ANKFN1: variants seen among roughly 807,000 people sequenced by gnomAD.
ANKFN1 encodes the protein ankyrin repeat and fibronectin type-III domain-containing protein 1.
Under a neutral mutation model 108.7 loss-of-function variants are expected in ANKFN1, and 74 were observed. The observed-to-expected ratio is 0.68, with a 90% CI of 0.56 to 0.83. The LOEUF is 0.83. Ranked by LOEUF, ANKFN1 falls within the 40% of genes least tolerant of loss-of-function variation. The probability of loss-of-function intolerance (pLI) is 0.00; values close to 1 mark genes in which losing one functional copy is unlikely to be tolerated. For missense variants in ANKFN1, 1,505 were observed against 1,382.3 expected, an observed-to-expected ratio of 1.09 and a Z score of -1.41; for synonymous variants, 547 against 516.2, an observed-to-expected ratio of 1.06 and a Z score of -0.81.
intron 8 of ANKFN1, among the ~76,000 whole-genome samples, chr17:56,408,019 C>T (rs1002999081): frequency 6.8e-5 from 10 of 146,420 alleles, no homozygotes; most frequent in Non-Finnish European, 1.5e-4. Context: ...ACTGCAACCT[C>T]CGCCTCCCGG....
chr17:56,401,366 GTA>G (rs1567974173), intron 8 of ANKFN1, among the ~76,000 whole-genome samples: 41 of 95,184 alleles, frequency 4.3e-4, no homozygotes, highest in South Asian at 1.1e-3. Flanking sequence ...GTATTGTATT[GTA>G]TTGTGTTGTG....
At chr17:56,374,418 C>T (rs2046891402) in intron 7 of ANKFN1, among the ~76,000 whole-genome samples, 183 bp from the exon 8 acceptor site, 1 of 152,074 alleles carries the variant, frequency 6.6e-6, no homozygotes. Flanking sequence ...CAAATAAGAC[C>T]CCAATGGCAA....
At chr17:56,328,572 C>T (rs1331004158) in intron 4 of ANKFN1, among the ~76,000 whole-genome samples, 1 of 152,194 alleles carries the variant, frequency 6.6e-6, no homozygotes, top group African/African-American at 2.4e-5. Context: ...TCATACCTGT[C>T]TCTAAGAACT....
intron 7 of ANKFN1, among the ~76,000 whole-genome samples, chr17:56,373,956 A>G (rs1416665986): frequency 6.6e-6 from 1 of 152,244 alleles, no homozygotes; most frequent in Non-Finnish European, 1.5e-5. Context: ...TTAAAACCTG[A>G]GGTTAGTGGA....
chr17:56,077,143 T>C (rs1334519668), intron 4 of ANKFN1, among the ~76,000 whole-genome samples: 1 of 152,124 alleles, frequency 6.6e-6, no homozygotes, highest in African/African-American at 2.4e-5. Flanking sequence ...TGGAGAGAAA[T>C]TAAACTTGGC....
intron 1 of ANKFN1, among the ~76,000 whole-genome samples, chr17:56,179,012 G>T (rs1366515293): frequency 6.6e-6 from 1 of 152,150 alleles, no homozygotes; most frequent in African/African-American, 2.4e-5. Context: ...GATTATAAAT[G>T]CAGAATAACT....
intron 1 of ANKFN1, among the ~76,000 whole-genome samples, chr17:56,177,851 G>A (rs906099948): frequency 2.0e-5 from 3 of 151,584 alleles, no homozygotes; most frequent in African/African-American, 7.3e-5. Context: ...TGAGATCCTG[G>A]GATTTATTTT....
intron 15 of ANKFN1, 36 bp from the exon 16 acceptor site, chr17:56,477,452 C>G: frequency 2.1e-5 from 31 of 1,480,970 alleles, no homozygotes; most frequent in East Asian, 2.5e-5. Context: ...GAGTTGTTTT[C>G]TTGTTTTCTT....
At chr17:56,201,034 C>A (rs1914010848) in intron 1 of ANKFN1, among the ~76,000 whole-genome samples, 1 of 152,124 alleles carries the variant, frequency 6.6e-6, no homozygotes, top group Non-Finnish European at 1.5e-5. Flanking sequence ...ATGGTGGAGC[C>A]CTCACAGTCC....
intron 3 of ANKFN1, among the ~76,000 whole-genome samples, chr17:56,315,786 GAAGA>G (rs2144475235): frequency 6.6e-6 from 1 of 152,282 alleles, no homozygotes; most frequent in East Asian, 1.9e-4. Context: ...GGGACAAAAT[GAAGA>G]AAGGGAATTT....
chr17:56,048,064 ACTGTGGTTTAG>A (rs1188775162), intron 4 of ANKFN1, among the ~76,000 whole-genome samples: 5 of 152,278 alleles, frequency 3.3e-5, no homozygotes, highest in Admixed American at 2.6e-4. Flanking sequence ...CACGGTTGTA[ACTGTGGTTTAG>A]ATATTTGTAT....
intron 1 of ANKFN1, among the ~76,000 whole-genome samples, chr17:56,211,126 CTTTGTT>C (rs1235296070): frequency 6.6e-6 from 1 of 152,110 alleles, no homozygotes; most frequent in Non-Finnish European, 1.5e-5. Context: ...ATCTATTTAT[CTTTGTT>C]TTTGTTGCAT....
intron 3 of ANKFN1, among the ~76,000 whole-genome samples, chr17:56,309,401 A>C (rs1186646959): frequency 3.3e-5 from 5 of 152,096 alleles, no homozygotes; most frequent in Admixed American, 3.3e-4. Context: ...TGACATCTCC[A>C]CTTAATTCCT....
At chr17:56,362,990 C>G (rs1197804741) in intron 6 of ANKFN1, among the ~76,000 whole-genome samples, 6 of 152,152 alleles carry the variant, frequency 3.9e-5, no homozygotes, top group African/African-American at 1.4e-4. Flanking sequence ...GCGGGAGGAT[C>G]ATGAGGTCAG....
chr17:56,514,990 G>C lies in ANKFN1; in HGVS notation c.*3721G>C, dbSNP rs2051876847. Among the ~76,000 whole-genome samples the C allele has an allele frequency of 6.6e-6, 1 of 152,006 alleles. No homozygotes were observed. Among genetic ancestry groups the C allele is most frequent in the Admixed American group, 6.6e-5 (1 of 15,254 alleles). Reference sequence around the variant, plus strand: ...CTCTGTTAGACGAGGAGGCATCCCAGAAAATACCTGCTTGGCCTCCTCTGG... The same window carrying C: ...CTCTGTTAGACGAGGAGGCATCCCACAAAATACCTGCTTGGCCTCCTCTGG... On this transcript the variant is annotated 3_prime_UTR_variant, in exon 21 of 21. Coordinates refer to ENST00000682825, the MANE Select transcript of ANKFN1 (RefSeq NM_001370326.1).
intron 1 of ANKFN1, among the ~76,000 whole-genome samples, chr17:56,165,711 A>G (rs1910080965): frequency 6.6e-6 from 1 of 152,146 alleles, no homozygotes; most frequent in South Asian, 2.1e-4. Flanking sequence ...AGCCTGGAAT[A>G]CAGGATCCAA....
chr17:56,473,083 G>A (rs542586266), intron 15 of ANKFN1: 1 of 152,242 alleles, frequency 6.6e-6, no homozygotes, highest in South Asian at 2.1e-4. Context: ...TGAAATGTGA[G>A]TTCCATGAAG....
At chr17:56,344,352 T>C (rs148413460) in intron 4 of ANKFN1, among the ~76,000 whole-genome samples, 5 of 152,164 alleles carry the variant, frequency 3.3e-5, no homozygotes, top group African/African-American at 1.2e-4. Flanking sequence ...TTTCCTTAAA[T>C]GCCTAGAACT....
chr17:56,434,009 C>T (rs2048850136), intron 8 of ANKFN1, among the ~76,000 whole-genome samples: 1 of 152,048 alleles, frequency 6.6e-6, no homozygotes, highest in South Asian at 2.1e-4. Context: ...ACACTCCGTC[C>T]TGGGCGACAG....
Sources: gnomAD v4.1 joint callset for allele counts (sites outside exome capture counted in the v4.1 genomes callset) on GRCh38, gnomAD v4.1.1 for gene constraint, MANE v1.5 for transcripts, NCBI Gene and HGNC (gene_info 2026-07-23, HGNC 2026-07-21) for gene names.